The following CENPT variants were observed in gnomAD, a reference collection of about 807,000 sequenced individuals.
CENPT encodes interphase centromere complex protein 22.
In CENPT, 42 loss-of-function variants were observed where a neutral mutation model predicts 59.7. The observed-to-expected ratio is 0.70, with a 90% CI of 0.55 to 0.91. The LOEUF (loss-of-function observed/expected upper bound fraction) is 0.91, where lower values mean the gene tolerates loss of function less well. Ranked by LOEUF, CENPT falls within the 40% of genes least tolerant of loss-of-function variation. The pLI is 0.00. For synonymous variants in CENPT, 295 were observed against 289.6 expected, an observed-to-expected ratio of 1.02 and a Z score of -0.19; for missense variants, 716 against 713.4, an observed-to-expected ratio of 1.00 and a Z score of -0.04.
At chr16:67,829,338 AG>A in intron 13 of CENPT, 84 bp downstream of exon 13, 1 of 1,077,970 alleles carries the variant, frequency 9.3e-7, no homozygotes, top group Non-Finnish European at 1.3e-6. Flanking sequence ...GCATACCCGT[AG>A]GAAGGGGGAG....
At position 67,831,310 on chromosome 16, in the gene CENPT, C is replaced by A; in HGVS notation, c.609G>T (p.Gln203His). The A allele has an allele frequency of 6.2e-7, 1 of 1,614,190 alleles. No homozygotes were observed. Among genetic ancestry groups the A allele is most frequent in the Non-Finnish European group, 8.5e-7 (1 of 1,180,030 alleles). ...FATPLQPQSV[Q>H]RPGLARRPPA... ...GAGGTCTGCGGGCCAAGCCAGGCCT[C>A]TGCACTGACTGTGGCTGAAGAGGTG... Residue 203 changes from glutamine (Q) to histidine (H), a missense_variant, in exon 10 of 16, where the codon CAG becomes CAT. Transcript: ENST00000562787.
chr16:67,831,229 G>A lies in CENPT; in HGVS notation c.690C>T (p.Ser230=). The A allele has an allele frequency of 1.2e-6, 2 of 1,614,072 alleles. No homozygotes were observed. The highest frequency in any genetic ancestry group is 1.7e-6 in the Non-Finnish European group (2 of 1,180,012). ...GAFLRDLRDT[S]LAPPNIVLED... is the part of the protein sequence containing the mutation. ...ACCCAACCTTACTTGGAGGAGCCAG[G>A]GAAGTATCTCGCAGATCCCGCAAAA... The change falls in exon 10 of 16, where the codon TCC becomes TCT. Residue 230 remains serine, a synonymous_variant. Coordinates refer to ENST00000562787, the MANE Select transcript of CENPT (RefSeq NM_025082.4).
intron 1 of CENPT, chr16:67,847,161 T>A (rs1172679456): frequency 6.8e-6 from 1 of 146,472 alleles, no homozygotes; most frequent in Admixed American, 6.7e-5. Flanking sequence ...CTCCCGCCGG[T>A]CCTGTGAGGC....
chr16:67,846,089 T>C (rs1402480473), intron 1 of CENPT, among the ~76,000 whole-genome samples: 1 of 152,192 alleles, frequency 6.6e-6, no homozygotes, highest in Non-Finnish European at 1.5e-5. Flanking sequence ...ACCACAAATG[T>C]TTGTGTTACC....
At position 67,831,767 on chromosome 16, in the gene CENPT, C is replaced by T. The variant is rs566246287; in HGVS notation, c.510G>A (p.Leu170=). ...CCAGGGCCTCACCTTGGGAGAGAGA[C>T]AGCCCCTGGTCCACTCCCTGCTGAA... ...SVFQQGVDQG[L]SLSQEPQGNA... The change falls in exon 8 of 16, where the codon CTG becomes CTA. Residue 170 remains leucine (L), a synonymous_variant. Coordinates refer to ENST00000562787, the MANE Select transcript of CENPT (RefSeq NM_025082.4). 1.3e-5 allele frequency: 21 copies of T among 1,579,824 alleles called. No individual in the cohort carries two copies. Among genetic ancestry groups the T allele is most frequent in the Middle Eastern group, 3.4e-4 (2 of 5,862 alleles).
chr16:67,831,475 C>T, intron 9 of CENPT, 101 bp downstream of exon 9: 1 of 1,575,550 alleles, frequency 6.3e-7, no homozygotes, highest in South Asian at 1.1e-5. Context: ...GAGGCTAAAA[C>T]TGGTAGGAAG....
At chr16:67,845,032 G>A (rs58256013) in intron 1 of CENPT, among the ~76,000 whole-genome samples, 8,059 of 152,090 alleles carry the variant, frequency 0.053, 650 homozygotes, top group African/African-American at 0.18. Flanking sequence ...CAGGTGATCC[G>A]CCTGCTCTGC....
Position 67,829,417 on chromosome 16 carries a change from T to A in CENPT, c.1280+6A>T. On this transcript the variant is annotated splice_donor_region_variant and intron_variant, in intron 13 of 15. Coordinates refer to ENST00000562787, the MANE Select transcript of CENPT (RefSeq NM_025082.4). ...GCCCATGAGGAATGGGGTTGTGGGATCTTACACTGCAGCACCAGGCGCTGG... is the reference window on the plus strand; with the variant it reads ...GCCCATGAGGAATGGGGTTGTGGGAACTTACACTGCAGCACCAGGCGCTGG... The A allele has an allele frequency of 6.3e-7, 1 of 1,588,606 alleles. No individual in the cohort carries two copies. Among genetic ancestry groups the A allele is most frequent in the South Asian group, 1.1e-5 (1 of 87,352 alleles).
intron 1 of CENPT, among the ~76,000 whole-genome samples, chr16:67,837,205 C>T (rs2057739170): frequency 1.3e-5 from 2 of 151,100 alleles, no homozygotes; most frequent in South Asian, 4.2e-4. Context: ...CAGGGTCTCG[C>T]TCTGTCACCC....
intron 1 of CENPT, among the ~76,000 whole-genome samples, chr16:67,839,432 C>G (rs1451350493): frequency 6.7e-5 from 10 of 149,782 alleles, no homozygotes; most frequent in Non-Finnish European, 1.2e-4. Flanking sequence ...TGGTCGTGCA[C>G]ACCTGTAATC....
In CENPT at chr16:67,828,245, G is replaced by T. The variant is rs2057619620; in HGVS notation, c.*22C>A. The T allele has an allele frequency of 1.9e-6, 3 of 1,560,272 alleles. No homozygotes were observed. The highest frequency in any genetic ancestry group is 1.4e-5 in the African/African-American group (1 of 73,358). On this transcript the variant is annotated 3_prime_UTR_variant, in exon 16 of 16. Coordinates refer to ENST00000562787, the MANE Select transcript of CENPT (RefSeq NM_025082.4). ...GGCAAGAGTCCCCAGGTGGGGACAG[G>T]GAAAGTGTTGAAGCCTGGCCACTAC...
intron 11 of CENPT, 53 bp downstream of exon 11, chr16:67,830,337 C>T: frequency 6.4e-7 from 1 of 1,566,946 alleles, no homozygotes. Flanking sequence ...CTACCATTGT[C>T]AACTCTCACC....
intron 1 of CENPT, among the ~76,000 whole-genome samples, chr16:67,839,785 A>C (rs2057751149): frequency 6.6e-6 from 1 of 151,062 alleles, no homozygotes; most frequent in Non-Finnish European, 1.5e-5. Context: ...GAGGCAGGAG[A>C]ATCTCTTGAA....
chr16:67,828,862 A>C lies in CENPT; in HGVS notation c.1281-19T>G. The stretch of plus-strand genomic sequence containing the variant: ...AGATAAGCTGAGGGCAACAGTGGAC[A>C]GAGGGGGCTGAACTTGCCTCAAGGA... On this transcript the variant is annotated intron_variant, in intron 13 of 15. Transcript: ENST00000562787. 1.3e-6 allele frequency: 2 copies of C among 1,565,446 alleles called. No individual in the cohort carries two copies. Among genetic ancestry groups the C allele is most frequent in the Non-Finnish European group, 1.7e-6 (2 of 1,163,218 alleles).
In CENPT at chr16:67,833,880, C is replaced by G; in HGVS notation, c.-21G>C. The G allele has an allele frequency of 1.4e-6, 2 of 1,458,310 alleles. No homozygotes were observed. Among genetic ancestry groups the G allele is most frequent in the African/African-American group, 1.5e-5 (1 of 68,492 alleles). The allele number at this position is 1,458,310 out of a possible 1,614,324, so 90.3% of individuals were successfully genotyped here. The stretch of plus-strand genomic sequence containing the variant: ...GCCATCGTCTCGGCCCCGGGCCCTC[C>G]TAACCGCCCAGCCAGCTGCAGGCTC... On this transcript the variant is annotated 5_prime_UTR_variant, in exon 4 of 16. Coordinates refer to ENST00000562787, the MANE Select transcript of CENPT (RefSeq NM_025082.4).
chr16:67,842,365 G>T lies in CENPT; in HGVS notation c.-492+5036C>A, dbSNP rs2057767570. Reference sequence around the variant, plus strand: ...GGCGGGCAGCCAGGCGGGCGGCGCGGCGCGGGCCGGCAGGAAGCGTATTCT... The same window carrying T: ...GGCGGGCAGCCAGGCGGGCGGCGCGTCGCGGGCCGGCAGGAAGCGTATTCT... On this transcript the variant is annotated intron_variant, in intron 1 of 15. Coordinates refer to ENST00000562787, the MANE Select transcript of CENPT (RefSeq NM_025082.4). The surrounding 1 kb of genome is among the most constrained non-coding windows in gnomAD (Gnocchi z 4.9). The T allele has an allele frequency of 4.1e-6, 1 of 242,878 alleles. No homozygotes were observed. The highest frequency in any genetic ancestry group is 7.2e-6 in the Non-Finnish European group (1 of 139,056). 15.0% of individuals were successfully genotyped at this position (242,878 alleles called of 1,614,324 possible).
At position 67,831,853 on chromosome 16, in the gene CENPT, T is replaced by G; in HGVS notation, c.424A>C (p.Thr142Pro). The stretch of plus-strand genomic sequence containing the variant: ...GGGGCCAGCAGACCTGGAGCCAGGG[T>G]TGTGGGGGGCTCGAGCTCAGGAAGT... ...LQLPELEPPT[T>P]LAPGLLAPGR... Residue 142 changes from threonine (T) to proline (P), a missense_variant, in exon 8 of 16, where the codon ACC (threonine) becomes CCC (proline). By Grantham distance (38) the Thr-to-Pro change is conservative. Coordinates refer to ENST00000562787, the MANE Select transcript of CENPT (RefSeq NM_025082.4). 1 of 1,611,042 alleles carries G rather than the reference T, an allele frequency of 6.2e-7. No individual in the cohort carries two copies. Among genetic ancestry groups the G allele is most frequent in the South Asian group, 1.1e-5 (1 of 90,664 alleles).
At chr16:67,828,432 A>C in intron 15 of CENPT, 42 bp from the exon 16 acceptor site, 1 of 1,613,622 alleles carries the variant, frequency 6.2e-7, no homozygotes, top group Non-Finnish European at 8.5e-7. Flanking sequence ...ATCAGCACCA[A>C]AACTCCCCCA....
chr16:67,841,193 CAAAAAAAAAAA>C (rs772893427), intron 1 of CENPT, among the ~76,000 whole-genome samples: 20 of 27,570 alleles, frequency 7.3e-4, no homozygotes, highest in Admixed American at 1.9e-3. Context: ...GACTCCTTTA[CAAAAAAAAAAA>C]AAAAAAAAAA....
Sources: gnomAD v4.1 joint callset for allele counts (sites outside exome capture counted in the v4.1 genomes callset) on GRCh38, gnomAD v4.1.1 for gene constraint, Gnocchi (gnomAD v3.1) non-coding constraint, MANE v1.5 for transcripts, NCBI Gene and HGNC (gene_info 2026-07-23, HGNC 2026-07-21) for gene names.